The following USP45 variants were observed in gnomAD, a reference collection of about 807,000 sequenced individuals.
USP45 encodes the protein ubiquitin specific peptidase 45.
USP45 carries 89 observed loss-of-function variants against 95.8 expected under a neutral mutation model. That is an observed-to-expected ratio of 0.93 (90% confidence interval 0.78 to 1.11). USP45 has a LOEUF of 1.11. USP45 is among the 50% of genes least tolerant of loss of function. The pLI is 0.00. For missense variants in USP45, 898 were observed against 942.5 expected (o/e 0.95, Z 0.62); for synonymous variants, 281 against 316.2 (o/e 0.89, Z 1.18).
At chr6:99,461,791 A>G (rs1786524681) in intron 13 of USP45, 2 of 982,610 alleles carry the variant, frequency 2.0e-6, no homozygotes, top group South Asian at 9.4e-5. Context: ...CTATTACTGT[A>G]AGAGATTAAA....
chr6:99,499,068 T>C (rs1796875578), intron 5 of USP45, among the ~76,000 whole-genome samples: 1 of 152,262 alleles, frequency 6.6e-6, no homozygotes, highest in South Asian at 2.1e-4. Flanking sequence ...GAGCCACCCA[T>C]ATACTATATG....
chr6:99,435,440 A>G lies in USP45; in HGVS notation c.*276T>C. On this transcript the variant is annotated 3_prime_UTR_variant, in exon 18 of 18. Transcript: ENST00000500704. ...GCTTGTAATAATAAGCCACATCATA[A>G]AGGGGTTTCCTTTCCTACTGTAAAT... The G allele has an allele frequency of 3.8e-6, 1 of 262,774 alleles. No homozygotes were observed. The highest frequency in any genetic ancestry group is 7.6e-5 in the East Asian group (1 of 13,098). The allele number at this position is 262,774 out of a possible 1,614,324, so 16.3% of individuals were successfully genotyped here. A position where few individuals can be genotyped will look rare whatever the true frequency, so the allele number is the denominator to read the frequency against.
At chr6:99,481,028 C>T (rs1792270915) in intron 8 of USP45, among the ~76,000 whole-genome samples, 1 of 152,100 alleles carries the variant, frequency 6.6e-6, no homozygotes, top group African/African-American at 2.4e-5. Context: ...CATGCTTGAG[C>T]CCAGGAATTC....
At position 99,466,802 on chromosome 6, in the gene USP45, A is replaced by G. The variant is rs776610242; in HGVS notation, c.1016-39T>C. On this transcript the variant is annotated intron_variant, in intron 10 of 17. Transcript: ENST00000500704. ...ACTTTTTAATGCAAAAAACATGTCA[A>G]CCATCCATCTAGCAGTATAATAGGC... The G allele has an allele frequency of 7.3e-5, 109 of 1,499,962 alleles. No homozygotes were observed. The Middle Eastern group carries it at 8.5e-4, about 12-fold the overall frequency. The allele number at this position is 1,499,962 out of a possible 1,614,324, so 92.9% of individuals were successfully genotyped here.
Position 99,437,363 on chromosome 6 carries a change from A to G in USP45, c.2197T>C (p.Tyr733His). The change falls in exon 17 of 18, where the codon TAT (tyrosine) becomes CAT (histidine). Residue 733 changes from tyrosine to histidine, a missense_variant. Coordinates refer to ENST00000500704, the MANE Select transcript of USP45 (RefSeq NM_001346022.3). ...GAGCCACTATGTTCCACTATGCCATAGAGACCGTAGAGAACTTTATCTCCC... is the reference window on the plus strand; with the variant it reads ...GAGCCACTATGTTCCACTATGCCATGGAGACCGTAGAGAACTTTATCTCCC... ...SVGDKVLYGL[Y>H]GIVEHSGSMR... The G allele has an allele frequency of 6.2e-7, 1 of 1,608,100 alleles. No individual in the cohort carries two copies. The highest frequency in any genetic ancestry group is 8.5e-7 in the Non-Finnish European group (1 of 1,178,496).
At chr6:99,453,846 G>C (rs1048026049) in intron 13 of USP45, among the ~76,000 whole-genome samples, 1 of 152,180 alleles carries the variant, frequency 6.6e-6, no homozygotes, top group Non-Finnish European at 1.5e-5. Context: ...TGTAATCCCA[G>C]CTACTTGGGA....
At chr6:99,444,794 C>T (rs1283710461) in intron 14 of USP45, among the ~76,000 whole-genome samples, 1 of 152,220 alleles carries the variant, frequency 6.6e-6, no homozygotes, top group African/African-American at 2.4e-5. Flanking sequence ...TACCTCCTGA[C>T]TGACGCTGGT....
At chr6:99,497,036 T>C (rs1453937211) in intron 5 of USP45, among the ~76,000 whole-genome samples, 2 of 152,190 alleles carry the variant, frequency 1.3e-5, no homozygotes, top group Admixed American at 6.5e-5. Context: ...TATAGTATCA[T>C]ACAGAGTAGT....
At chr6:99,495,580 G>A (rs1480008460) in intron 5 of USP45, among the ~76,000 whole-genome samples, 2 of 152,082 alleles carry the variant, frequency 1.3e-5, no homozygotes, top group African/African-American at 2.4e-5. Flanking sequence ...ATTCAAACCC[G>A]GGCAGTCTAG....
chr6:99,445,646 G>GTT (rs1157702496), intron 14 of USP45, 151 bp downstream of exon 14: 2 of 605,640 alleles, frequency 3.3e-6, no homozygotes, highest in Non-Finnish European at 5.4e-6. Flanking sequence ...GCCCAGTATT[G>GTT]TAAGCGCTCA....
rs951736896 is a variant in USP45, at chr6:99,433,268, C to T, written c.*2448G>A. The T allele has an allele frequency of 4.6e-5, 7 of 152,500 alleles. No individual in the cohort carries two copies. Among genetic ancestry groups the T allele is most frequent in the East Asian group, 3.8e-4 (2 of 5,196 alleles). 9.4% of individuals were successfully genotyped at this position (152,500 alleles called of 1,614,324 possible). ...TTATCATTTTATATTTGGAAAAAAA[C>T]GGGAAGCTGGGGTAAACCAGTTTCT... On this transcript the variant is annotated 3_prime_UTR_variant, in exon 18 of 18. Transcript: ENST00000500704.
chr6:99,463,291 T>G (rs1338863181), intron 13 of USP45, among the ~76,000 whole-genome samples: 5 of 152,138 alleles, frequency 3.3e-5, no homozygotes, highest in Admixed American at 6.6e-5. Context: ...GGTAATATCA[T>G]AGAGAGACAT....
At chr6:99,437,507 A>G in intron 16 of USP45, 108 bp from the exon 17 acceptor site, 1 of 1,134,756 alleles carries the variant, frequency 8.8e-7, no homozygotes, top group Non-Finnish European at 1.2e-6. Context: ...GCATAGTAAA[A>G]CTGAGATACT....
At chr6:99,501,418 C>G (rs1430488933) in intron 5 of USP45, among the ~76,000 whole-genome samples, 1 of 152,206 alleles carries the variant, frequency 6.6e-6, no homozygotes, top group Non-Finnish European at 1.5e-5. Flanking sequence ...ACCAGCTCAT[C>G]TACCTCGTAA....
At position 99,505,719 on chromosome 6, in the gene USP45, C is replaced by G. The variant is rs6904832; in HGVS notation, c.377+1709G>C. Among the ~76,000 whole-genome samples the G allele has an allele frequency of 1.8e-3, 279 of 151,394 alleles. 2 individuals are homozygous for G. Among genetic ancestry groups the G allele is most frequent in the African/African-American group, 5.2e-3 (215 of 41,292 alleles). ...TCACAATCTTCTTACCCACCTTTTT[C>G]TAATTCAGTAATTCTTAAACTGTGG... On this transcript the variant is annotated intron_variant, in intron 4 of 17. Transcript: ENST00000500704.
intron 9 of USP45, among the ~76,000 whole-genome samples, chr6:99,471,374 C>T (rs564589080): frequency 6.6e-6 from 1 of 152,210 alleles, no homozygotes; most frequent in Admixed American, 6.5e-5. Context: ...AGATCTCCAC[C>T]TTATACTTTA....
At chr6:99,512,334 G>T (rs753025418) in intron 1 of USP45, among the ~76,000 whole-genome samples, 323 of 152,286 alleles carry the variant, frequency 2.1e-3, no homozygotes, top group Non-Finnish European at 3.5e-3. Context: ...TGAAGCCACT[G>T]CTGGGGGCCC....
chr6:99,497,068 CTG>C (rs2128759515), intron 5 of USP45, among the ~76,000 whole-genome samples: 1 of 152,218 alleles, frequency 6.6e-6, no homozygotes, highest in East Asian at 1.9e-4. Flanking sequence ...AAAAAATTCT[CTG>C]TGCTTTGCCT....
Position 99,435,108 on chromosome 6 carries a change from G to C in USP45, c.*608C>G, listed in dbSNP as rs919039639. The C allele has an allele frequency of 6.6e-6, 1 of 152,520 alleles. No homozygotes were observed. Among genetic ancestry groups the C allele is most frequent in the East Asian group, 1.9e-4 (1 of 5,200 alleles). The allele number at this position is 152,520 out of a possible 1,614,324, so 9.4% of individuals were successfully genotyped here. A position where few individuals can be genotyped will look rare whatever the true frequency, so the allele number is the denominator to read the frequency against. On this transcript the variant is annotated 3_prime_UTR_variant, in exon 18 of 18. Transcript: ENST00000500704. ...TAGGTGTTACTTCATGAAATTATGT[G>C]TTATAGCAGTTTCCTAAATGGTAGT...
Sources: allele counts gnomAD v4.1 joint callset (sites outside exome capture counted in the v4.1 genomes callset), GRCh38; gene constraint gnomAD v4.1.1; transcripts MANE v1.5; gene names NCBI Gene and HGNC (gene_info 2026-07-23, HGNC 2026-07-21).